The following CHST11 variants were observed in gnomAD, a reference collection of about 807,000 sequenced individuals.
CHST11 encodes C4S-1.
Under a neutral mutation model 30.4 loss-of-function variants are expected in CHST11, and 9 were observed. That is an observed-to-expected ratio of 0.30 (90% CI 0.18 to 0.52). The LOEUF is 0.52. Among genes scored for constraint, CHST11 ranks in the 20% least tolerant of loss-of-function variants. The probability of loss-of-function intolerance (pLI) is 0.97; values close to 1 mark genes in which losing one functional copy is unlikely to be tolerated. For synonymous variants in CHST11, 152 were observed against 187.8 expected, an observed-to-expected ratio of 0.81 and a Z score of 1.56; for missense variants, 348 against 460.6, an observed-to-expected ratio of 0.76 and a Z score of 2.24.
At chr12:104,720,219 C>A (rs1477605185) in intron 2 of CHST11, among the ~76,000 whole-genome samples, 1 of 152,252 alleles carries the variant, frequency 6.6e-6, no homozygotes, top group Non-Finnish European at 1.5e-5. Context: ...TCTTGAGAGT[C>A]TACTGTGTGC....
At chr12:104,520,378 A>G (rs560596545) in intron 1 of CHST11, among the ~76,000 whole-genome samples, 77 of 152,278 alleles carry the variant, frequency 5.1e-4, no homozygotes, top group African/African-American at 1.9e-3. Flanking sequence ...ATGGTTAGTG[A>G]TTAGTTTGCT....
At chr12:104,494,860 A>G (rs1367579252) in intron 1 of CHST11, among the ~76,000 whole-genome samples, 1 of 152,210 alleles carries the variant, frequency 6.6e-6, no homozygotes, top group Non-Finnish European at 1.5e-5. Context: ...ATCCTTTTTA[A>G]GAGTACGGGT....
chr12:104,644,402 A>G (rs1490494785), intron 2 of CHST11, among the ~76,000 whole-genome samples: 1 of 152,048 alleles, frequency 6.6e-6, no homozygotes, highest in Admixed American at 6.5e-5. Context: ...TCCAGCCCTC[A>G]CTGAGGCCAG....
intron 2 of CHST11, among the ~76,000 whole-genome samples, chr12:104,712,399 T>C (rs1347651404): frequency 6.6e-6 from 1 of 152,118 alleles, no homozygotes; most frequent in Non-Finnish European, 1.5e-5. Context: ...TGTGCCAGTA[T>C]AAAGCGCCTC....
chr12:104,635,759 A>G (rs1297403617), intron 2 of CHST11, among the ~76,000 whole-genome samples: 2 of 152,146 alleles, frequency 1.3e-5, no homozygotes, highest in East Asian at 1.9e-4. Flanking sequence ...GTTCTTTGCA[A>G]ATGTTGGGGC....
At chr12:104,652,344 G>A (rs147789224) in intron 2 of CHST11, among the ~76,000 whole-genome samples, 4 of 152,328 alleles carry the variant, frequency 2.6e-5, no homozygotes, top group East Asian at 3.9e-4. Context: ...GCAGCTCCCC[G>A]ATGAGTTGAG....
chr12:104,574,533 A>T (rs1201107093), intron 1 of CHST11, among the ~76,000 whole-genome samples: 1 of 152,230 alleles, frequency 6.6e-6, no homozygotes, highest in Non-Finnish European at 1.5e-5. Flanking sequence ...GCAGCCATAA[A>T]AAATGATGAG....
Position 104,699,796 on chromosome 12 carries a change from C to T in CHST11, c.205-57153C>T, listed in dbSNP as rs75441068. Among the ~76,000 whole-genome samples the T allele has an allele frequency of 5.9e-3, 898 of 152,348 alleles. 8 individuals carry two copies. The highest frequency in any genetic ancestry group is 9.0e-3 in the Non-Finnish European group (611 of 68,012). ...TTTGGGGAAGGATCTTGGGCCTCCACTTGCAGTGACTATAGTCACTATAGC... is the reference window on the plus strand; with the variant it reads ...TTTGGGGAAGGATCTTGGGCCTCCATTTGCAGTGACTATAGTCACTATAGC... On this transcript the variant is annotated intron_variant, in intron 2 of 2. Coordinates refer to ENST00000303694, the MANE Select transcript of CHST11 (RefSeq NM_018413.6).
intron 1 of CHST11, among the ~76,000 whole-genome samples, chr12:104,462,126 C>T (rs1458569843): frequency 8.3e-5 from 11 of 133,248 alleles, no homozygotes; most frequent in Middle Eastern, 4.1e-3. Flanking sequence ...GAGATTGTGC[C>T]ATTGCATTCC....
At chr12:104,565,240 G>A (rs1198393049) in intron 1 of CHST11, among the ~76,000 whole-genome samples, 2 of 149,160 alleles carry the variant, frequency 1.3e-5, no homozygotes, top group Admixed American at 1.3e-4. Context: ...CACCTGGGCA[G>A]CCTCCATGTT....
At chr12:104,753,958 T>C (rs1185822982) in intron 2 of CHST11, among the ~76,000 whole-genome samples, 2 of 152,132 alleles carry the variant, frequency 1.3e-5, no homozygotes, top group Non-Finnish European at 2.9e-5. Context: ...CCAGGCCCCA[T>C]ATTTGGGTCA....
At chr12:104,599,071 C>T (rs1446483314) in intron 1 of CHST11, among the ~76,000 whole-genome samples, 1 of 152,160 alleles carries the variant, frequency 6.6e-6, no homozygotes, top group East Asian at 1.9e-4. Flanking sequence ...CACACTGCAC[C>T]GACTGCCTGT....
intron 2 of CHST11, among the ~76,000 whole-genome samples, chr12:104,688,513 G>C (rs2039869061): frequency 6.6e-6 from 1 of 152,162 alleles, no homozygotes; most frequent in Non-Finnish European, 1.5e-5. Flanking sequence ...GAAGTCTTCT[G>C]AATAAATTGC....
At chr12:104,501,553 A>G (rs2037854298) in intron 1 of CHST11, among the ~76,000 whole-genome samples, 2 of 152,266 alleles carry the variant, frequency 1.3e-5, no homozygotes, top group South Asian at 4.1e-4. Context: ...CGCTTAGCTC[A>G]CAGATGCTCA....
chr12:104,574,732 T>C (rs1459663264), intron 1 of CHST11, among the ~76,000 whole-genome samples: 1 of 151,762 alleles, frequency 6.6e-6, no homozygotes, highest in East Asian at 1.9e-4. Flanking sequence ...GGGGGAGGGA[T>C]AGCATTAGGA....
At chr12:104,630,873 A>T (rs1384760824) in intron 2 of CHST11, among the ~76,000 whole-genome samples, 1 of 152,160 alleles carries the variant, frequency 6.6e-6, no homozygotes, top group Non-Finnish European at 1.5e-5. Flanking sequence ...CAGCAGCTGC[A>T]CCCCAAAGTT....
intron 1 of CHST11, among the ~76,000 whole-genome samples, chr12:104,509,915 T>C (rs375395545): frequency 4.6e-5 from 7 of 152,364 alleles, no homozygotes; most frequent in African/African-American, 1.7e-4. Context: ...TAGGTGTTCT[T>C]GGTTGGGGAA....
chr12:104,555,926 G>T (rs1197744367), intron 1 of CHST11, among the ~76,000 whole-genome samples: 2 of 152,254 alleles, frequency 1.3e-5, no homozygotes, highest in African/African-American at 4.8e-5. Context: ...AGAAAGGAAG[G>T]TGTCTGTCCT....
chr12:104,521,012 A>G (rs1356099166), intron 1 of CHST11, among the ~76,000 whole-genome samples: 1 of 152,228 alleles, frequency 6.6e-6, no homozygotes. Context: ...TTAATTAGAC[A>G]TGTCTTTTTT....
Sources: allele counts gnomAD v4.1 joint callset (sites outside exome capture counted in the v4.1 genomes callset), GRCh38; gene constraint gnomAD v4.1.1; transcripts MANE v1.5; gene names NCBI Gene and HGNC (gene_info 2026-07-23, HGNC 2026-07-21).